Variants in CNTN4 observed in about 807,000 individuals in gnomAD.
CNTN4 encodes the protein contactin 4.
In CNTN4, 77 loss-of-function variants were observed where a neutral mutation model predicts 122.5. The ratio of observed to expected loss-of-function variants is 0.63; its 90% CI spans 0.52 to 0.76. CNTN4 has a LOEUF of 0.76. Among genes scored for constraint, CNTN4 ranks in the 30% least tolerant of loss-of-function variants. The pLI is 0.00. For missense variants in CNTN4, 1,256 were observed against 1,259.1 expected (o/e 1.00, Z 0.04); for synonymous variants, 512 against 447.0 (o/e 1.15, Z -1.83).
At chr3:2,937,197 C>T (rs140210671) in intron 13 of CNTN4, among the ~76,000 whole-genome samples, 24 of 152,268 alleles carry the variant, frequency 1.6e-4, no homozygotes, top group African/African-American at 5.3e-4. Flanking sequence ...ATTGTCACTT[C>T]CAGCATGTCC....
intron 2 of CNTN4, among the ~76,000 whole-genome samples, chr3:2,273,804 C>G (rs1475604239): frequency 2.6e-5 from 4 of 152,130 alleles, no homozygotes; most frequent in Non-Finnish European, 5.9e-5. Flanking sequence ...CATTTGTTAT[C>G]CTGGTTAGTT....
chr3:2,559,887 T>C (rs1268837154), intron 3 of CNTN4, among the ~76,000 whole-genome samples: 1 of 152,210 alleles, frequency 6.6e-6, no homozygotes, highest in African/African-American at 2.4e-5. Context: ...AGCTCCATGA[T>C]AGCAGGACTG....
intron 4 of CNTN4, among the ~76,000 whole-genome samples, chr3:2,634,575 A>G (rs1026089124): frequency 6.6e-6 from 1 of 151,948 alleles, no homozygotes; most frequent in African/African-American, 2.4e-5. Flanking sequence ...TCAGGCCTGT[A>G]ATCCCAGCAC....
At chr3:2,599,924 A>C (rs527535842) in intron 4 of CNTN4, among the ~76,000 whole-genome samples, 3 of 147,416 alleles carry the variant, frequency 2.0e-5, no homozygotes, top group African/African-American at 7.5e-5. Flanking sequence ...TGAAGTTTGG[A>C]GCTATCTGTT....
At chr3:2,308,595 A>T (rs1182295458) in intron 2 of CNTN4, among the ~76,000 whole-genome samples, 1 of 152,016 alleles carries the variant, frequency 6.6e-6, no homozygotes, top group Non-Finnish European at 1.5e-5. Context: ...TATCATTTTC[A>T]TGCATCTCAA....
chr3:2,431,450 T>C (rs1395255491), intron 3 of CNTN4, among the ~76,000 whole-genome samples: 2 of 152,226 alleles, frequency 1.3e-5, no homozygotes, highest in African/African-American at 2.4e-5. Context: ...ATAGGGCACA[T>C]TGAAAAGGTG....
chr3:2,991,976 T>G lies in CNTN4; in HGVS notation c.1486+3504T>G, dbSNP rs78484917. 5.1e-3 allele frequency among the ~76,000 whole-genome samples: 783 copies of G among 152,304 alleles called. 12 individuals are homozygous for G. The highest frequency in any genetic ancestry group is 0.017 in the African/African-American group (701 of 41,570). On this transcript the variant is annotated intron_variant, in intron 14 of 24. Transcript: ENST00000418658. ...AGGTCGGGCGTCAGAACATATCTTT[T>G]CTAACCTTTTTACAATAGTTCTATC...
chr3:2,303,181 G>A (rs2042584739), intron 2 of CNTN4, among the ~76,000 whole-genome samples: 1 of 152,098 alleles, frequency 6.6e-6, no homozygotes, highest in Non-Finnish European at 1.5e-5. Context: ...GCGTAAATCT[G>A]TGCACTTGTT....
intron 3 of CNTN4, among the ~76,000 whole-genome samples, chr3:2,516,960 A>C (rs969496311): frequency 1.3e-5 from 2 of 152,116 alleles, no homozygotes; most frequent in Non-Finnish European, 2.9e-5. Context: ...AAATGTAAAT[A>C]AGGAAGTAGA....
At chr3:2,636,741 G>A (rs1253561033) in intron 4 of CNTN4, among the ~76,000 whole-genome samples, 1 of 152,184 alleles carries the variant, frequency 6.6e-6, no homozygotes, top group Middle Eastern at 3.4e-3. Flanking sequence ...CAAATTTTAT[G>A]AAGAGTGTTT....
chr3:3,006,572 C>T (rs76326727), intron 14 of CNTN4, among the ~76,000 whole-genome samples: 6,337 of 152,226 alleles, frequency 0.042, 174 homozygotes, highest in Middle Eastern at 0.095. Context: ...AATAATTAGG[C>T]CTTTTACTAT....
At chr3:2,168,851 C>CTTTG (rs1012126662) in intron 2 of CNTN4, among the ~76,000 whole-genome samples, 1 of 152,050 alleles carries the variant, frequency 6.6e-6, no homozygotes, top group Non-Finnish European at 1.5e-5. Context: ...GAAAGAACCA[C>CTTTG]TTTGTTTTTT....
At chr3:2,517,788 G>A (rs1292356830) in intron 3 of CNTN4, among the ~76,000 whole-genome samples, 4 of 152,104 alleles carry the variant, frequency 2.6e-5, no homozygotes, top group South Asian at 2.1e-4. Context: ...CTCACACACA[G>A]GCATAATGCT....
At chr3:2,408,007 A>C (rs1030560812) in intron 3 of CNTN4, among the ~76,000 whole-genome samples, 1 of 152,202 alleles carries the variant, frequency 6.6e-6, no homozygotes. Flanking sequence ...GTAGTTTAAA[A>C]GGATTATGAA....
At chr3:3,039,899 TAA>T in intron 19 of CNTN4, 136 bp from the exon 20 acceptor site, 4 of 715,450 alleles carry the variant, frequency 5.6e-6, no homozygotes, top group Non-Finnish European at 1.0e-5. Context: ...GCCCTAAATT[TAA>T]AAGACTGTTA....
intron 3 of CNTN4, among the ~76,000 whole-genome samples, chr3:2,371,769 C>G (rs1007409970): frequency 6.6e-6 from 1 of 152,232 alleles, no homozygotes; most frequent in Non-Finnish European, 1.5e-5. Flanking sequence ...ATTTACCTGT[C>G]TGTTAAAATA....
At chr3:2,371,030 G>C (rs12631357) in intron 3 of CNTN4, among the ~76,000 whole-genome samples, 1 of 152,242 alleles carries the variant, frequency 6.6e-6, no homozygotes, top group East Asian at 1.9e-4. Flanking sequence ...GAATTACAAT[G>C]TGAAGGTCTT....
chr3:2,302,118 A>G (rs943928424), intron 2 of CNTN4, among the ~76,000 whole-genome samples: 2 of 152,110 alleles, frequency 1.3e-5, no homozygotes. Context: ...GGAAGGCACT[A>G]TTAACTTTGA....
chr3:2,594,576 A>T (rs2080671149), intron 4 of CNTN4, among the ~76,000 whole-genome samples: 1 of 151,848 alleles, frequency 6.6e-6, no homozygotes, highest in African/African-American at 2.4e-5. Flanking sequence ...GTGCCACCAC[A>T]CCCGGCTAAT....
Sources: gnomAD v4.1 joint callset for allele counts (sites outside exome capture counted in the v4.1 genomes callset) on GRCh38, gnomAD v4.1.1 for gene constraint, MANE v1.5 for transcripts, NCBI Gene and HGNC (gene_info 2026-07-23, HGNC 2026-07-21) for gene names.